The following MKNK2 variants were observed in gnomAD, a reference collection of about 807,000 sequenced individuals.
The protein encoded by MKNK2 is MAP kinase-interacting serine/threonine-protein kinase 2.
Under a neutral mutation model 55.0 loss-of-function variants are expected in MKNK2, and 54 were observed. That is an observed-to-expected ratio of 0.98 (90% CI 0.79 to 1.23). The LOEUF (loss-of-function observed/expected upper bound fraction) is 1.23. Among genes scored for constraint, MKNK2 ranks in the 50% most tolerant of loss-of-function variants. MKNK2 has a pLI of 0.00. For missense variants in MKNK2, 685 were observed against 632.1 expected (o/e 1.08, Z -0.90); for synonymous variants, 323 against 256.0 (o/e 1.26, Z -2.50).
Position 2,042,722 on chromosome 19 carries a change from T to C in MKNK2, c.598+44A>G, listed in dbSNP as rs377396725. On this transcript the variant is annotated intron_variant, in intron 8 of 13. Coordinates refer to ENST00000250896, the MANE Select transcript of MKNK2 (RefSeq NM_199054.3). ...GGGTCTGGAGGTCTTCCAGGAGTCC[T>C]TGGCAGGCGGCCCTAGGAGACTCCG... 7.2e-5 allele frequency: 112 copies of C among 1,547,430 alleles called. No individual in the cohort carries two copies. In the African/African-American group the frequency reaches 1.2e-3, roughly 17 times the overall value.
Position 2,039,066 on chromosome 19 carries a change from C to T in MKNK2, c.*547G>A, listed in dbSNP as rs1317985248. 6.1e-6 allele frequency: 6 copies of T among 986,824 alleles called. No homozygotes were observed. The highest frequency in any genetic ancestry group is 7.2e-6 in the Non-Finnish European group (6 of 830,720). 61.1% of individuals were successfully genotyped at this position (986,824 alleles called of 1,614,324 possible). ...CCTGCCACCTGCCTGCCTGACACCT[C>T]CAGAGACAGGCAGCCCCTCCCTTCC... is the stretch of plus-strand genomic sequence containing the variant. On this transcript the variant is annotated 3_prime_UTR_variant, in exon 14 of 14. Transcript: ENST00000250896.
chr19:2,048,799 G>A (rs544577611), intron 2 of MKNK2, among the ~76,000 whole-genome samples: 11 of 152,074 alleles, frequency 7.2e-5, no homozygotes, highest in African/African-American at 2.4e-4. Flanking sequence ...GGAAGGAAGG[G>A]GGGGGCTCCA....
chr19:2,041,280 C>T (rs1379289631), intron 11 of MKNK2, 76 bp from the exon 12 acceptor site: 11 of 1,504,190 alleles, frequency 7.3e-6, no homozygotes, highest in South Asian at 2.5e-5. Flanking sequence ...TGGCTCCAAC[C>T]GGACCCCAAC....
chr19:2,049,212 G>A (rs531477975), intron 2 of MKNK2, among the ~76,000 whole-genome samples: 2 of 152,318 alleles, frequency 1.3e-5, no homozygotes, highest in East Asian at 1.9e-4. Context: ...CCAGGCACAC[G>A]CGCCTGCAGT....
intron 5 of MKNK2, among the ~76,000 whole-genome samples, chr19:2,045,941 A>G (rs1337426659): frequency 2.6e-5 from 4 of 152,220 alleles, no homozygotes; most frequent in African/African-American, 9.6e-5. Context: ...CCTCAGGGAC[A>G]GCTCAGAGGC....
Position 2,038,030 on chromosome 19 carries a change from CA to C in MKNK2, c.*1582del. ...GGGGAAAGGGGTGGGCGGAATGCCCCACCCCCCCCAGGGGTCTTTGGAAGGG... is the reference window on the plus strand; with the variant it reads ...GGGGAAAGGGGTGGGCGGAATGCCCCCCCCCCCCAGGGGTCTTTGGAAGGG... On this transcript the variant is annotated 3_prime_UTR_variant, in exon 14 of 14. Coordinates refer to ENST00000250896, the MANE Select transcript of MKNK2 (RefSeq NM_199054.3). 3.8e-6 allele frequency: 5 copies of C among 1,316,794 alleles called. No individual in the cohort carries two copies. The highest frequency in any genetic ancestry group is 2.0e-6 in the Non-Finnish European group (2 of 1,024,214). 81.6% of individuals were successfully genotyped at this position (1,316,794 alleles called of 1,614,324 possible). A position where few individuals can be genotyped will look rare whatever the true frequency, so the allele number is the denominator to read the frequency against.
chr19:2,048,539 T>C (rs925124241), intron 2 of MKNK2, among the ~76,000 whole-genome samples: 1 of 151,856 alleles, frequency 6.6e-6, no homozygotes, highest in Non-Finnish European at 1.5e-5. Context: ...CCAGTCCCAG[T>C]GAGGATGCTG....
At chr19:2,040,378 G>A (rs958512988) in intron 12 of MKNK2, 1 of 548,092 alleles carries the variant, frequency 1.8e-6, no homozygotes, top group East Asian at 3.1e-5. Flanking sequence ...CCTGCCCAGG[G>A]AACCCGAGGC....
rs760308800 is a variant in MKNK2 at position 2,039,540 on chromosome 19, T to G, written c.*73A>C. 1 of 1,511,684 alleles carries G rather than the reference T, an allele frequency of 6.6e-7. No homozygotes were observed. Among genetic ancestry groups the G allele is most frequent in the Non-Finnish European group, 8.9e-7 (1 of 1,127,556 alleles). 93.6% of individuals were successfully genotyped at this position (1,511,684 alleles called of 1,614,324 possible). On this transcript the variant is annotated 3_prime_UTR_variant, in exon 14 of 14. Coordinates refer to ENST00000250896, the MANE Select transcript of MKNK2 (RefSeq NM_199054.3). ...GAGGGGCAGCCCGCTGGACACCGGC[T>G]GGCGATAGCTTAAAAAACCTTTAGA...
chr19:2,043,106 C>T lies in MKNK2; in HGVS notation c.493+18G>A. Reference sequence around the variant, plus strand: ...CTCCCAGCTCCCTCCCTCCTCACAGCCTGGAGCCCCCAGGTACCTCCCCGC... The same window carrying T: ...CTCCCAGCTCCCTCCCTCCTCACAGTCTGGAGCCCCCAGGTACCTCCCCGC... On this transcript the variant is annotated intron_variant, in intron 7 of 13. Transcript: ENST00000250896. 2 of 1,606,354 alleles carry T rather than the reference C, an allele frequency of 1.2e-6. No individual in the cohort carries two copies. Among genetic ancestry groups the T allele is most frequent in the Non-Finnish European group, 1.7e-6 (2 of 1,173,276 alleles).
At chr19:2,049,725 T>C (rs1370726431) in intron 2 of MKNK2, among the ~76,000 whole-genome samples, 2 of 152,162 alleles carry the variant, frequency 1.3e-5, no homozygotes. Flanking sequence ...GTCCTCCTCT[T>C]TCCCGCCCAG....
rs1171657154 is a variant in MKNK2 at position 2,044,726 on chromosome 19, G to A, written c.340-1144C>T. Among the ~76,000 whole-genome samples the A allele has an allele frequency of 3.3e-5, 5 of 152,362 alleles. No homozygotes were observed. The East Asian group carries it at 9.6e-4, about 29-fold the overall frequency. On this transcript the variant is annotated intron_variant, in intron 5 of 13. Coordinates refer to ENST00000250896, the MANE Select transcript of MKNK2 (RefSeq NM_199054.3). The stretch of plus-strand genomic sequence containing the variant: ...GAACAACTGGACGCCAGGGTGTCCT[G>A]AAATACCACCACCCAGGCCGCTGCT...
intron 2 of MKNK2, among the ~76,000 whole-genome samples, chr19:2,050,291 G>T (rs565065310): frequency 2.4e-4 from 36 of 152,344 alleles, no homozygotes; most frequent in Admixed American, 7.8e-4. Context: ...CCCCCTGGGG[G>T]TGGGTGCACC....
At chr19:2,041,766 G>T (rs1356076557) in intron 11 of MKNK2, 74 bp downstream of exon 11, 1 of 1,287,308 alleles carries the variant, frequency 7.8e-7, no homozygotes, top group East Asian at 2.7e-5. Context: ...CAGGTCCCCT[G>T]GGGTTAGGGG....
At chr19:2,040,850 GCGGGCAC>G in intron 12 of MKNK2, 183 bp downstream of exon 12, 1 of 622,200 alleles carries the variant, frequency 1.6e-6, no homozygotes, top group Non-Finnish European at 2.8e-6. Flanking sequence ...TGGCTGGCCA[GCGGGCAC>G]CGTGCACAGG....
In MKNK2 at chr19:2,046,663, G is replaced by A. The variant is rs377519484; in HGVS notation, c.80C>T (p.Ser27Phe). ...KGQNPFELAF[S>F]LDQPDHGDSD... ...GTCTCCGTGGTCGGGCTGGTCTAGG[G>A]AGAAGGCCAGCTCGAAGGGGTTCTG... is the stretch of plus-strand genomic sequence containing the variant. Residue 27 changes from serine (S) to phenylalanine (F), a missense_variant, in exon 3 of 14, where the codon TCC becomes TTC. Coordinates refer to ENST00000250896, the MANE Select transcript of MKNK2 (RefSeq NM_199054.3). The A allele has an allele frequency of 1.2e-5, 18 of 1,549,524 alleles. No homozygotes were observed. Among genetic ancestry groups the A allele is most frequent in the Non-Finnish European group, 1.5e-5 (17 of 1,148,790 alleles).
chr19:2,038,348 G>C lies in MKNK2; in HGVS notation c.*1265C>G, dbSNP rs369858557. The C allele has an allele frequency of 3.8e-4, 375 of 986,522 alleles. No individual in the cohort carries two copies. The highest frequency in any genetic ancestry group is 4.3e-4 in the Non-Finnish European group (357 of 830,468). The allele number at this position is 986,522 out of a possible 1,614,324, so 61.1% of individuals were successfully genotyped here. A position where few individuals can be genotyped will look rare whatever the true frequency, so the allele number is the denominator to read the frequency against. On this transcript the variant is annotated 3_prime_UTR_variant, in exon 14 of 14. Coordinates refer to ENST00000250896, the MANE Select transcript of MKNK2 (RefSeq NM_199054.3). ...GCCCCAGCTGTGGAGCTCGGGGGCTGCGCCGGGAAGGGCGGGCGGTGACCC... is the reference window on the plus strand; with the variant it reads ...GCCCCAGCTGTGGAGCTCGGGGGCTCCGCCGGGAAGGGCGGGCGGTGACCC...
rs1359895452 is a variant in MKNK2 at position 2,039,142 on chromosome 19, C to G, written c.*471G>C. The G allele has an allele frequency of 1.0e-6, 1 of 992,738 alleles. No individual in the cohort carries two copies. Among genetic ancestry groups the G allele is most frequent in the Non-Finnish European group, 1.2e-6 (1 of 834,354 alleles). 61.5% of individuals were successfully genotyped at this position (992,738 alleles called of 1,614,324 possible). A position where few individuals can be genotyped will look rare whatever the true frequency, so the allele number is the denominator to read the frequency against. On this transcript the variant is annotated 3_prime_UTR_variant, in exon 14 of 14. Coordinates refer to ENST00000250896, the MANE Select transcript of MKNK2 (RefSeq NM_199054.3). The stretch of plus-strand genomic sequence containing the variant: ...CAGGGTGAGGGATAGAGGGGAAGAG[C>G]CTGTCCCTGAAATACTGCGGGCTGG...
chr19:2,043,057 C>A, intron 7 of MKNK2, 67 bp downstream of exon 7: 1 of 1,422,156 alleles, frequency 7.0e-7, no homozygotes, highest in South Asian at 1.2e-5. Flanking sequence ...CTGCAGGTGG[C>A]ACTAGGCCCC....
Sources: gnomAD v4.1 joint callset for allele counts (sites outside exome capture counted in the v4.1 genomes callset) on GRCh38, gnomAD v4.1.1 for gene constraint, MANE v1.5 for transcripts, NCBI Gene and HGNC (gene_info 2026-07-23, HGNC 2026-07-21) for gene names.